The following EVA1A variants were observed in gnomAD, a reference collection of about 807,000 sequenced individuals.
The protein encoded by EVA1A is protein eva-1 homolog A.
EVA1A carries 7 observed loss-of-function variants against 9.8 expected under a neutral mutation model. That is an observed-to-expected ratio of 0.71 (90% CI 0.41 to 1.34). The LOEUF is 1.34. Ranked by LOEUF, EVA1A falls within the 40% of genes most tolerant of loss-of-function variation. The probability of loss-of-function intolerance (pLI) is 0.01; values close to 1 mark genes in which losing one functional copy is unlikely to be tolerated. For synonymous variants in EVA1A, 90 were observed against 85.6 expected (o/e 1.05, Z -0.28); for missense variants, 206 against 205.9 (o/e 1.00, Z 0.00).
intron 1 of EVA1A, among the ~76,000 whole-genome samples, chr2:75,548,744 C>G (rs1165929495): frequency 6.6e-6 from 1 of 151,986 alleles, no homozygotes; most frequent in Non-Finnish European, 1.5e-5. Context: ...CAACCTAAAC[C>G]TCTCTCATTC....
At chr2:75,506,848 T>C (rs1377555529) in intron 3 of EVA1A, among the ~76,000 whole-genome samples, 1 of 152,150 alleles carries the variant, frequency 6.6e-6, no homozygotes, top group African/African-American at 2.4e-5. Flanking sequence ...AACCTGGGAC[T>C]GAGGAAGCCC....
chr2:75,494,556 C>T (rs1053630993), intron 3 of EVA1A, among the ~76,000 whole-genome samples: 3 of 152,178 alleles, frequency 2.0e-5, no homozygotes, highest in African/African-American at 4.8e-5. Context: ...TAAGGGTGGC[C>T]TTTGGCCAAC....
intron 1 of EVA1A, among the ~76,000 whole-genome samples, chr2:75,566,916 T>C (rs1677039714): frequency 6.6e-6 from 1 of 152,224 alleles, no homozygotes; most frequent in South Asian, 2.1e-4. Context: ...TTTTTCATCT[T>C]GGCTAACAAG....
intron 2 of EVA1A, 118 bp from the exon 3 acceptor site, chr2:75,518,326 G>A (rs1469214424): frequency 1.7e-6 from 2 of 1,151,124 alleles, no homozygotes; most frequent in Non-Finnish European, 2.4e-6. Flanking sequence ...GGTGTCCTTT[G>A]GGGCTTTGGA....
chr2:75,498,754 T>C (rs917058421), intron 3 of EVA1A, among the ~76,000 whole-genome samples: 12 of 152,120 alleles, frequency 7.9e-5, no homozygotes, highest in African/African-American at 2.7e-4. Flanking sequence ...TCTCTAGTTG[T>C]AGCACTACTG....
intron 1 of EVA1A, among the ~76,000 whole-genome samples, chr2:75,533,968 C>T (rs953690897): frequency 5.9e-5 from 9 of 151,982 alleles, no homozygotes; most frequent in Admixed American, 2.0e-4. Flanking sequence ...CCCGCCACCA[C>T]GCCCGGCTAA....
chr2:75,498,501 A>G (rs1674293789), intron 3 of EVA1A, among the ~76,000 whole-genome samples: 1 of 152,150 alleles, frequency 6.6e-6, no homozygotes. Flanking sequence ...AAAAACCCCA[A>G]AAAACAGAAA....
intron 3 of EVA1A, among the ~76,000 whole-genome samples, chr2:75,508,457 C>T (rs1408930493): frequency 6.6e-6 from 1 of 152,122 alleles, no homozygotes; most frequent in Non-Finnish European, 1.5e-5. Context: ...CACTCCCAGG[C>T]TTATTAGGAA....
At position 75,566,331 on chromosome 2, in the gene EVA1A, A is replaced by G. The variant is rs541237523; in HGVS notation, c.-192+3145T>C. Among the ~76,000 whole-genome samples, 147 of 152,056 alleles carry G rather than the reference A, an allele frequency of 9.7e-4. 1 individual carries two copies. The highest frequency in any genetic ancestry group is 3.2e-3 in the Middle Eastern group (1 of 316). On this transcript the variant is annotated intron_variant, in intron 1 of 3. Transcript: ENST00000233712. ...CCTAGATTCCAGATGTAGACAACCAAATTATAAAAACCCACGTTCTCCAGG... is the reference window on the plus strand; with the variant it reads ...CCTAGATTCCAGATGTAGACAACCAGATTATAAAAACCCACGTTCTCCAGG...
At chr2:75,540,411 G>A (rs1215437896) in intron 1 of EVA1A, among the ~76,000 whole-genome samples, 1 of 152,200 alleles carries the variant, frequency 6.6e-6, no homozygotes, top group Non-Finnish European at 1.5e-5. Context: ...TTTTCCAAAT[G>A]AGAAGCACAT....
At chr2:75,548,547 A>G (rs1676409350) in intron 1 of EVA1A, among the ~76,000 whole-genome samples, 1 of 152,182 alleles carries the variant, frequency 6.6e-6, no homozygotes, top group South Asian at 2.1e-4. Context: ...TCCACATGAA[A>G]AAATTTCACA....
In EVA1A at chr2:75,530,572, T is replaced by G. The variant is rs150145003; in HGVS notation, c.-191-8085A>C. Among the ~76,000 whole-genome samples, 324 of 152,320 alleles carry G rather than the reference T, an allele frequency of 2.1e-3. 2 individuals carry two copies. Among genetic ancestry groups the G allele is most frequent in the African/African-American group, 7.0e-3 (289 of 41,562 alleles). The stretch of plus-strand genomic sequence containing the variant: ...GTCCACCATGATCAAGTGGGTTTTA[T>G]GCCAGGGATACAGGGATGGTTTAAC... On this transcript the variant is annotated intron_variant, in intron 1 of 3. Coordinates refer to ENST00000393913, the MANE Select transcript of EVA1A (RefSeq NM_001135032.2).
chr2:75,510,974 G>A (rs1201400560), intron 3 of EVA1A, among the ~76,000 whole-genome samples: 1 of 152,190 alleles, frequency 6.6e-6, no homozygotes, highest in Non-Finnish European at 1.5e-5. Context: ...GTCTATGTCT[G>A]CTCTCGTGCT....
rs562802490 is a variant in EVA1A, at chr2:75,497,417, T to C, written c.86-3808A>G. ...AAGACATACATTCAGCCAACAAATA[T>C]GTGAAAAAATGCTCAGCATCACTAA... On this transcript the variant is annotated intron_variant, in intron 3 of 3. Transcript: ENST00000393913. 6.6e-5 allele frequency among the ~76,000 whole-genome samples: 10 copies of C among 152,156 alleles called. No homozygotes were observed. The South Asian group carries it at 2.1e-3, about 32-fold the overall frequency.
chr2:75,512,855 C>T (rs1674865177), intron 3 of EVA1A, among the ~76,000 whole-genome samples: 1 of 152,162 alleles, frequency 6.6e-6, no homozygotes, highest in South Asian at 2.1e-4. Context: ...CCCCAAAATA[C>T]CTCCAGACAT....
At chr2:75,508,191 T>C (rs921093285) in intron 3 of EVA1A, among the ~76,000 whole-genome samples, 13 of 152,264 alleles carry the variant, frequency 8.5e-5, no homozygotes, top group African/African-American at 3.1e-4. Context: ...GTTTGAGCAA[T>C]ATGAAATCTG....
intron 2 of EVA1A, among the ~76,000 whole-genome samples, chr2:75,519,291 G>T (rs1408437082): frequency 6.6e-6 from 1 of 152,120 alleles, no homozygotes; most frequent in East Asian, 1.9e-4. Flanking sequence ...AGTGTAGAAG[G>T]GTGTCAAGGC....
chr2:75,493,531 A>G lies in EVA1A; in HGVS notation c.164T>C (p.Ile55Thr). The change falls in exon 4 of 4, where the codon ATA (isoleucine) becomes ACA (threonine). Residue 55 changes from isoleucine (I) to threonine (T), a missense_variant. Ile to Thr is a moderately conservative substitution (Grantham distance 89). Coordinates refer to ENST00000393913, the MANE Select transcript of EVA1A (RefSeq NM_001135032.2). ...GCAGTCTGTGTGGCAAGAGATCCTTATCACCAGAGCAGCCAGGGTCAGCAC... is the reference window on the plus strand; with the variant it reads ...GCAGTCTGTGTGGCAAGAGATCCTTGTCACCAGAGCAGCCAGGGTCAGCAC... ...GLVLTLAALV[I>T]RISCHTDCRR... is the part of the protein sequence containing the mutation. The G allele has an allele frequency of 1.2e-6, 2 of 1,614,190 alleles. No individual in the cohort carries two copies. Among genetic ancestry groups the G allele is most frequent in the Non-Finnish European group, 1.7e-6 (2 of 1,180,026 alleles).
At position 75,492,409 on chromosome 2, in the gene EVA1A, A is replaced by ATT. The variant is rs200050176; in HGVS notation, c.*825_*826dup. 2 of 55,322 alleles carry ATT rather than the reference A, an allele frequency of 3.6e-5. No individual in the cohort carries two copies. Among genetic ancestry groups the ATT allele is most frequent in the South Asian group, 9.0e-4 (1 of 1,116 alleles). The allele number at this position is 55,322 out of a possible 1,614,324, so 3.4% of individuals were successfully genotyped here. On this transcript the variant is annotated 3_prime_UTR_variant, in exon 4 of 4. Transcript: ENST00000393913. ...TTTCCATTCTTTTCTTTGAAATCCAATTAAAAAAAAAAAAAAAAACAAAGT... is the reference window on the plus strand; with the variant it reads ...TTTCCATTCTTTTCTTTGAAATCCAATTTTAAAAAAAAAAAAAAAAACAAAGT...
Sources: allele counts gnomAD v4.1 joint callset (sites outside exome capture counted in the v4.1 genomes callset), GRCh38; gene constraint gnomAD v4.1.1; transcripts MANE v1.5; gene names NCBI Gene and HGNC (gene_info 2026-07-23, HGNC 2026-07-21).